FZD10: variants seen among roughly 807,000 people sequenced by gnomAD.
The protein encoded by FZD10 is frizzled-10.
FZD10 carries 14 observed loss-of-function variants against 24.4 expected under a neutral mutation model. That is an observed-to-expected ratio of 0.57 (90% confidence interval 0.38 to 0.90). FZD10 has a LOEUF of 0.90. FZD10 is among the 40% of genes least tolerant of loss of function. The pLI is 0.00. For synonymous variants in FZD10, 381 were observed against 349.1 expected (o/e 1.09, Z -1.02); for missense variants, 775 against 816.6 (o/e 0.95, Z 0.62).
rs1200170747 is a variant in FZD10 at position 130,164,368 on chromosome 12, G to T, written c.1426G>T (p.Ala476Ser). 1 of 1,613,990 alleles carries T rather than the reference G, an allele frequency of 6.2e-7. No homozygotes were observed. The highest frequency in any genetic ancestry group is 8.5e-7 in the Non-Finnish European group (1 of 1,180,048). The change falls in exon 1 of 1, where the codon GCG (alanine) becomes TCG (serine). Residue 476 changes from alanine to serine, a missense_variant. Ala to Ser is a moderately conservative substitution (Grantham distance 99). Coordinates refer to ENST00000229030, the MANE Select transcript of FZD10 (RefSeq NM_007197.4). The surrounding 1 kb of genome is among the most constrained non-coding windows in gnomAD (Gnocchi z 5.3). Reference protein sequence around the residue: ...RLNMDYWKILAAQHKCKMNNQ... With the variant: ...RLNMDYWKILSAQHKCKMNNQ... ...CAACATGGATTACTGGAAGATCCTG[G>T]CGGCGCAGCACAAGTGCAAAATGAA...
At position 130,165,388 on chromosome 12, in the gene FZD10, A is replaced by G. The variant is rs1871794631; in HGVS notation, c.*700A>G. ...ACAACAAAAGAAATCTCCTAACAAA[A>G]GAACTAAGAGGCCCAGCCCTCAGAA... On this transcript the variant is annotated 3_prime_UTR_variant, in exon 1 of 1. Coordinates refer to ENST00000229030, the MANE Select transcript of FZD10 (RefSeq NM_007197.4). 6.0e-6 allele frequency: 1 copy of G among 166,966 alleles called. No homozygotes were observed. Among genetic ancestry groups the G allele is most frequent in the Non-Finnish European group, 1.5e-5 (1 of 68,118 alleles). The allele number at this position is 166,966 out of a possible 1,614,324, so 10.3% of individuals were successfully genotyped here. A position where few individuals can be genotyped will look rare whatever the true frequency, so the allele number is the denominator to read the frequency against.
Position 130,163,397 on chromosome 12 carries a change from A to G in FZD10, c.455A>G (p.Asn152Ser). 2.5e-6 allele frequency: 4 copies of G among 1,612,588 alleles called. No homozygotes were observed. Among genetic ancestry groups the G allele is most frequent in the Non-Finnish European group, 3.4e-6 (4 of 1,179,936 alleles). Residue 152 changes from asparagine (N) to serine (S), a missense_variant, in exon 1 of 1, where the codon AAC becomes AGC. Transcript: ENST00000229030. Reference protein sequence around the residue: ...DPNYLCMEAPNNGSDEPTRGS... With the variant: ...DPNYLCMEAPSNGSDEPTRGS... ...AACTACCTGTGCATGGAGGCGCCCA[A>G]CAACGGCTCGGACGAGCCCACCCGG...
Position 130,162,866 on chromosome 12 carries a change from GC to G in FZD10, c.-75del. ...GCCCGAGCAGGGGTGGAGAGCCGGG[GC>G]CAGCAGCAGCCCGTGCCCGGGAGCG... On this transcript the variant is annotated 5_prime_UTR_variant, in exon 1 of 1. The change abolishes the stop of an existing upstream ORF in the 5' untranslated region. Coordinates refer to ENST00000229030, the MANE Select transcript of FZD10 (RefSeq NM_007197.4). 1 of 1,175,692 alleles carries G rather than the reference GC, an allele frequency of 8.5e-7. No individual in the cohort carries two copies. Among genetic ancestry groups the G allele is most frequent in the South Asian group, 1.7e-5 (1 of 59,292 alleles). 72.8% of individuals were successfully genotyped at this position (1,175,692 alleles called of 1,614,324 possible). A position where few individuals can be genotyped will look rare whatever the true frequency, so the allele number is the denominator to read the frequency against.
rs752850907 is a variant in FZD10 at position 130,163,988 on chromosome 12, C to T, written c.1046C>T (p.Ala349Val). Residue 349 changes from alanine to valine, a missense_variant, in exon 1 of 1, where the codon GCC (alanine) becomes GTC (valine). Coordinates refer to ENST00000229030, the MANE Select transcript of FZD10 (RefSeq NM_007197.4). ...GKKWGHEAIEANSSYFHLAAW... is the reference protein window; with the variant it reads ...GKKWGHEAIEVNSSYFHLAAW... ...AAGTGGGGCCACGAGGCCATCGAAG[C>T]CAACAGCAGCTACTTCCACCTGGCA... 12 of 1,613,642 alleles carry T rather than the reference C, an allele frequency of 7.4e-6. No individual in the cohort carries two copies. The highest frequency in any genetic ancestry group is 1.0e-5 in the Non-Finnish European group (12 of 1,180,050).
chr12:130,163,904 T>A lies in FZD10; in HGVS notation c.962T>A (p.Met321Lys). The part of the protein sequence containing the change: ...LVFLVLYYFG[M>K]ASSLWWVVLT... ...TTCCTGGTCCTCTACTACTTCGGCA[T>A]GGCCAGCTCGCTGTGGTGGGTGGTC... The change falls in exon 1 of 1, where the codon ATG (methionine) becomes AAG (lysine). Residue 321 changes from methionine to lysine, a missense_variant. Coordinates refer to ENST00000229030, the MANE Select transcript of FZD10 (RefSeq NM_007197.4). 1 of 1,613,950 alleles carries A rather than the reference T, an allele frequency of 6.2e-7. No individual in the cohort carries two copies.
rs1046895 is a variant in FZD10 at position 130,165,496 on chromosome 12, G to C, written c.*808G>C. Reference sequence around the variant, plus strand: ...GTTTGGACTGATTTGTGGAAAGGAGGGGGGAAGAGGGAGAAGGATCATTCA... The same window carrying C: ...GTTTGGACTGATTTGTGGAAAGGAGCGGGGAAGAGGGAGAAGGATCATTCA... On this transcript the variant is annotated 3_prime_UTR_variant, in exon 1 of 1. Transcript: ENST00000229030. 3.2e-3 allele frequency: 527 copies of C among 166,930 alleles called. 4 individuals carry two copies. The highest frequency in any genetic ancestry group is 9.7e-4 in the East Asian group (5 of 5,158). 10.3% of individuals were successfully genotyped at this position (166,930 alleles called of 1,614,324 possible).
chr12:130,164,087 G>A lies in FZD10; in HGVS notation c.1145G>A (p.Gly382Glu). Residue 382 changes from glycine to glutamate, a missense_variant, in exon 1 of 1, where the codon GGG becomes GAG. Gly to Glu is a moderately conservative substitution (Grantham distance 98, BLOSUM62 -2). Transcript: ENST00000229030. The surrounding 1 kb of genome is among the most constrained non-coding windows in gnomAD (Gnocchi z 5.3). ...MRRVAGDELT[G>E]VCYVGSMDVN... ...AGGGTGGCGGGGGACGAGCTCACCG[G>A]GGTCTGCTACGTGGGCAGCATGGAC... The A allele has an allele frequency of 1.9e-6, 3 of 1,613,594 alleles. No individual in the cohort carries two copies. Among genetic ancestry groups the A allele is most frequent in the Non-Finnish European group, 2.5e-6 (3 of 1,179,926 alleles).
Position 130,163,486 on chromosome 12 carries a change from C to T in FZD10, c.544C>T (p.Leu182=). The T allele has an allele frequency of 1.2e-6, 2 of 1,601,422 alleles. No individual in the cohort carries two copies. Among genetic ancestry groups the T allele is most frequent in the Non-Finnish European group, 1.7e-6 (2 of 1,174,052 alleles). The change falls in exon 1 of 1, where the codon CTG becomes TTG. Residue 182 remains leucine (L), a synonymous_variant. Transcript: ENST00000229030. ...GCCCCACAGCGCGCAGGAGCACCCG[C>T]TGAAGGACGGGGGCCCCGGGCGCGG... The part of the protein sequence containing the change: ...QRPHSAQEHP[L]KDGGPGRGGC...
Position 130,163,499 on chromosome 12 carries a change from G to C in FZD10, c.557G>C (p.Gly186Ala). 8 of 1,588,278 alleles carry C rather than the reference G, an allele frequency of 5.0e-6. No individual in the cohort carries two copies. Among genetic ancestry groups the C allele is most frequent in the Middle Eastern group, 1.7e-4 (1 of 5,910 alleles). ...CAGGAGCACCCGCTGAAGGACGGGGGCCCCGGGCGCGGCGGCTGCGACAAC... is the reference window on the plus strand; with the variant it reads ...CAGGAGCACCCGCTGAAGGACGGGGCCCCCGGGCGCGGCGGCTGCGACAAC... The part of the protein sequence containing the change: ...SAQEHPLKDG[G>A]PGRGGCDNPG... The change falls in exon 1 of 1, where the codon GGC becomes GCC. Residue 186 changes from glycine (G) to alanine (A), a missense_variant. Gly to Ala is a moderately conservative substitution (Grantham distance 60). Transcript: ENST00000229030.
Position 130,164,773 on chromosome 12 carries a change from T to A in FZD10, c.*85T>A. On this transcript the variant is annotated 3_prime_UTR_variant, in exon 1 of 1. Coordinates refer to ENST00000229030, the MANE Select transcript of FZD10 (RefSeq NM_007197.4). This position sits in a 1 kb window ranked among gnomAD's most constrained non-coding sequence, Gnocchi z 5.3. ...TTGTGTTTTTCTTTCTTCTTCTTCT[T>A]TTTTTTTTTTTATAAAAGCAAAAGA... The A allele has an allele frequency of 1.0e-5, 5 of 498,274 alleles. No individual in the cohort carries two copies. The highest frequency in any genetic ancestry group is 1.4e-5 in the Non-Finnish European group (5 of 365,572). The allele number at this position is 498,274 out of a possible 1,614,324, so 30.9% of individuals were successfully genotyped here. A position where few individuals can be genotyped will look rare whatever the true frequency, so the allele number is the denominator to read the frequency against.
In FZD10 at chr12:130,163,527, G is replaced by A. The variant is rs1871724068; in HGVS notation, c.585G>A (p.Pro195=). 2 of 1,590,544 alleles carry A rather than the reference G, an allele frequency of 1.3e-6. No homozygotes were observed. Among genetic ancestry groups the A allele is most frequent in the Non-Finnish European group, 1.7e-6 (2 of 1,169,106 alleles). ...GGPGRGGCDN[P]GKFHHVEKSA... Reference sequence around the variant, plus strand: ...CCGGGCGCGGCGGCTGCGACAACCCGGGCAAGTTCCACCACGTGGAGAAGA... The same window carrying A: ...CCGGGCGCGGCGGCTGCGACAACCCAGGCAAGTTCCACCACGTGGAGAAGA... The change falls in exon 1 of 1, where the codon CCG becomes CCA. Residue 195 remains proline (P), a synonymous_variant. Coordinates refer to ENST00000229030, the MANE Select transcript of FZD10 (RefSeq NM_007197.4).
Position 130,163,365 on chromosome 12 carries a change from C to G in FZD10, c.423C>G (p.Asn141Lys), listed in dbSNP as rs1871714774. ...SLDCRKLPNK[N>K]DPNYLCMEAP... is the part of the protein sequence containing the mutation. ...ACTGCCGGAAACTCCCCAACAAGAA[C>G]GACCCCAACTACCTGTGCATGGAGG... is the stretch of plus-strand genomic sequence containing the variant. The change falls in exon 1 of 1, where the codon AAC becomes AAG. Residue 141 changes from asparagine to lysine, a missense_variant. Physicochemically the swap from Asn to Lys is moderately conservative, Grantham distance 94 (BLOSUM62 0). Transcript: ENST00000229030. 4 of 1,612,826 alleles carry G rather than the reference C, an allele frequency of 2.5e-6. No homozygotes were observed. Among genetic ancestry groups the G allele is most frequent in the African/African-American group, 2.7e-5 (2 of 74,952 alleles).
rs1262410847 is a variant in FZD10 at position 130,163,419 on chromosome 12, C to G, written c.477C>G (p.Thr159=). 2 of 1,612,376 alleles carry G rather than the reference C, an allele frequency of 1.2e-6. No homozygotes were observed. The highest frequency in any genetic ancestry group is 2.2e-5 in the South Asian group (2 of 91,080). Reference sequence around the variant, plus strand: ...CCAACAACGGCTCGGACGAGCCCACCCGGGGCTCGGGCCTGTTCCCGCCGC... The same window carrying G: ...CCAACAACGGCTCGGACGAGCCCACGCGGGGCTCGGGCCTGTTCCCGCCGC... The part of the protein sequence containing the change: ...EAPNNGSDEP[T]RGSGLFPPLF... Residue 159 remains threonine (T), a synonymous_variant, in exon 1 of 1, where the codon ACC becomes ACG. Coordinates refer to ENST00000229030, the MANE Select transcript of FZD10 (RefSeq NM_007197.4).
Position 130,165,617 on chromosome 12 carries a change from C to G in FZD10, c.*929C>G, listed in dbSNP as rs1206265015. 6.0e-6 allele frequency: 1 copy of G among 167,050 alleles called. No individual in the cohort carries two copies. The highest frequency in any genetic ancestry group is 1.5e-5 in the Non-Finnish European group (1 of 68,124). 10.3% of individuals were successfully genotyped at this position (167,050 alleles called of 1,614,324 possible). A position where few individuals can be genotyped will look rare whatever the true frequency, so the allele number is the denominator to read the frequency against. On this transcript the variant is annotated 3_prime_UTR_variant, in exon 1 of 1. Transcript: ENST00000229030. Reference sequence around the variant, plus strand: ...CACTAGGTTGGCAGAGACACTTTGTCTAGTGTATTCTCTTCACAGTGCCAG... The same window carrying G: ...CACTAGGTTGGCAGAGACACTTTGTGTAGTGTATTCTCTTCACAGTGCCAG...
At position 130,164,872 on chromosome 12, in the gene FZD10, G is replaced by C. The variant is rs191728297; in HGVS notation, c.*184G>C. 24 of 522,066 alleles carry C rather than the reference G, an allele frequency of 4.6e-5. No individual in the cohort carries two copies. The South Asian group carries it at 5.9e-4, about 13-fold the overall frequency. 32.3% of individuals were successfully genotyped at this position (522,066 alleles called of 1,614,324 possible). A position where few individuals can be genotyped will look rare whatever the true frequency, so the allele number is the denominator to read the frequency against. ...ACTGAAAGGAAAAATGTACTTAAAG[G>C]GTTTTGTTTTGTTTTGGTTTTCCAG... On this transcript the variant is annotated 3_prime_UTR_variant, in exon 1 of 1. Transcript: ENST00000229030. The surrounding 1 kb of genome is among the most constrained non-coding windows in gnomAD (Gnocchi z 5.3).
Position 130,164,544 on chromosome 12 carries a change from G to A in FZD10, c.1602G>A (p.Val534=). 1 of 1,613,198 alleles carries A rather than the reference G, an allele frequency of 6.2e-7. No individual in the cohort carries two copies. Among genetic ancestry groups the A allele is most frequent in the Non-Finnish European group, 8.5e-7 (1 of 1,180,008 alleles). The change falls in exon 1 of 1, where the codon GTG becomes GTA. Residue 534 remains valine, a synonymous_variant. Transcript: ENST00000229030. The surrounding 1 kb of genome is among the most constrained non-coding windows in gnomAD (Gnocchi z 5.3). ...TSKTLQSWQQ[V]CSRRLKKKSR... Reference sequence around the variant, plus strand: ...AGACTCTGCAGTCCTGGCAGCAGGTGTGCAGCCGTAGGTTAAAGAAGAAGA... The same window carrying A: ...AGACTCTGCAGTCCTGGCAGCAGGTATGCAGCCGTAGGTTAAAGAAGAAGA...
rs772275005 is a variant in FZD10 at position 130,164,924 on chromosome 12, G to A, written c.*236G>A. On this transcript the variant is annotated 3_prime_UTR_variant, in exon 1 of 1. Coordinates refer to ENST00000229030, the MANE Select transcript of FZD10 (RefSeq NM_007197.4). The surrounding 1 kb of genome is among the most constrained non-coding windows in gnomAD (Gnocchi z 5.3). ...GAAGGGAAGCTCCTCCAGTGAAGTA[G>A]CCTCTTGTGTAACTAATTTGTGGTA... 1.1e-5 allele frequency: 5 copies of A among 447,838 alleles called. No homozygotes were observed. Among genetic ancestry groups the A allele is most frequent in the Non-Finnish European group, 2.0e-5 (5 of 246,036 alleles). The allele number at this position is 447,838 out of a possible 1,614,324, so 27.7% of individuals were successfully genotyped here. A position where few individuals can be genotyped will look rare whatever the true frequency, so the allele number is the denominator to read the frequency against.
In FZD10 at chr12:130,163,677, C is replaced by A. The variant is rs370397116; in HGVS notation, c.735C>A (p.Thr245=). The part of the protein sequence containing the change: ...AVLCFFSSAF[T]VLTFLIDPAR... ...TGTGCTTCTTCTCCAGCGCCTTCAC[C>A]GTGCTCACCTTCCTCATCGACCCGG... Residue 245 remains threonine, a synonymous_variant, in exon 1 of 1, where the codon ACC becomes ACA. Coordinates refer to ENST00000229030, the MANE Select transcript of FZD10 (RefSeq NM_007197.4). 6.2e-7 allele frequency: 1 copy of A among 1,613,586 alleles called. No individual in the cohort carries two copies. Among genetic ancestry groups the A allele is most frequent in the Non-Finnish European group, 8.5e-7 (1 of 1,180,030 alleles).
At position 130,162,961 on chromosome 12, in the gene FZD10, C is replaced by G. The variant is rs2135795497; in HGVS notation, c.19C>G (p.Arg7Gly). The G allele has an allele frequency of 6.5e-7, 1 of 1,545,470 alleles. No homozygotes were observed. The highest frequency in any genetic ancestry group is 8.8e-7 in the Non-Finnish European group (1 of 1,142,426). Residue 7 changes from arginine (R) to glycine (G), a missense_variant, in exon 1 of 1, where the codon CGC (arginine) becomes GGC (glycine). Coordinates refer to ENST00000229030, the MANE Select transcript of FZD10 (RefSeq NM_007197.4). MQRPGP[R>G]LWLVLQVMGS... ...CGCCAGCATGCAGCGCCCGGGCCCC[C>G]GCCTGTGGCTGGTCCTGCAGGTGAT...
Sources: gnomAD v4.1 joint callset for allele counts on GRCh38, gnomAD v4.1.1 for gene constraint, Gnocchi (gnomAD v3.1) non-coding constraint, MANE v1.5 for transcripts, NCBI Gene and HGNC (gene_info 2026-07-23, HGNC 2026-07-21) for gene names.